The following H2AZ2 variants were observed in gnomAD, a reference collection of about 807,000 sequenced individuals.
H2AZ2 encodes the protein histone H2A.V.
H2AZ2 carries 5 observed loss-of-function variants against 15.5 expected under a neutral mutation model. The ratio of observed to expected loss-of-function variants is 0.32; its 90% CI spans 0.17 to 0.68. The LOEUF (loss-of-function observed/expected upper bound fraction) is 0.68. H2AZ2 is among the 30% of genes least tolerant of loss of function. The probability of loss-of-function intolerance (pLI) is 0.72; values close to 1 mark genes in which losing one functional copy is unlikely to be tolerated. For synonymous variants in H2AZ2, 44 were observed against 57.4 expected, an observed-to-expected ratio of 0.77 and a Z score of 1.05; for missense variants, 42 against 162.5, an observed-to-expected ratio of 0.26 and a Z score of 4.03.
At chr7:44,836,364 T>A (rs145809026) in intron 3 of H2AZ2, among the ~76,000 whole-genome samples, 84 of 152,260 alleles carry the variant, frequency 5.5e-4, no homozygotes, top group African/African-American at 1.9e-3. Context: ...AATGTATTTT[T>A]AAAATTTTTT....
intron 2 of H2AZ2, among the ~76,000 whole-genome samples, chr7:44,842,965 C>T (rs1331604083): frequency 1.3e-5 from 2 of 151,568 alleles, no homozygotes; most frequent in East Asian, 1.9e-4. Flanking sequence ...ATGGTGAAAT[C>T]CCGTCTCTAC....
rs1048090546 is a variant in H2AZ2 at position 44,833,380 on chromosome 7, G to T, written c.*1121C>A. Among the ~76,000 whole-genome samples the T allele has an allele frequency of 1.3e-5, 2 of 151,996 alleles. No individual in the cohort carries two copies. The highest frequency in any genetic ancestry group is 4.8e-5 in the African/African-American group (2 of 41,364). ...CCTGAGTAGCTGGGACTACAGGCGC[G>T]TGCCACCACACCCGGCTAATTTTTT... is the stretch of plus-strand genomic sequence containing the variant. On this transcript the variant is annotated 3_prime_UTR_variant, in exon 5 of 5. Coordinates refer to ENST00000308153, the MANE Select transcript of H2AZ2 (RefSeq NM_012412.5).
downstream of H2AZ2, among the ~76,000 whole-genome samples, chr7:44,831,294 C>T (rs889283301): frequency 1.8e-4 from 27 of 152,104 alleles, no homozygotes; most frequent in Admixed American, 1.7e-3. Context: ...ACAAATGAAA[C>T]GAGACTGATC....
Position 44,833,984 on chromosome 7 carries a change from ATG to A in H2AZ2, c.*515_*516del. On this transcript the variant is annotated 3_prime_UTR_variant, in exon 5 of 5. Coordinates refer to ENST00000308153, the MANE Select transcript of H2AZ2 (RefSeq NM_012412.5). ...ATAATCTAACATCTCTCAAATTGGG[ATG>A]TCTCATAATTGATGGCATATCATGA... 5.2e-6 allele frequency: 1 copy of A among 192,318 alleles called. No homozygotes were observed. The highest frequency in any genetic ancestry group is 9.5e-6 in the Non-Finnish European group (1 of 104,882). The allele number at this position is 192,318 out of a possible 1,614,324, so 11.9% of individuals were successfully genotyped here. A position where few individuals can be genotyped will look rare whatever the true frequency, so the allele number is the denominator to read the frequency against.
At chr7:44,835,462 C>A in intron 4 of H2AZ2, 67 bp downstream of exon 4, 4 of 1,326,270 alleles carry the variant, frequency 3.0e-6, no homozygotes, top group Non-Finnish European at 4.2e-6. Flanking sequence ...TATACTATAT[C>A]ATTGATCTGA....
intron 3 of H2AZ2, among the ~76,000 whole-genome samples, chr7:44,838,450 A>G (rs1793186481): frequency 6.6e-6 from 1 of 152,086 alleles, no homozygotes; most frequent in South Asian, 2.1e-4. Flanking sequence ...CAGGAGTTCG[A>G]GATCAGCCTG....
chr7:44,830,442 C>T (rs921530851), downstream of H2AZ2, among the ~76,000 whole-genome samples: 3 of 152,180 alleles, frequency 2.0e-5, no homozygotes, highest in African/African-American at 7.2e-5. Context: ...CTCTCCAGGC[C>T]ATTTGTTACA....
In H2AZ2 at chr7:44,843,137, C is replaced by CA. The variant is rs55941046; in HGVS notation, c.81+139dup. On this transcript the variant is annotated intron_variant, in intron 2 of 4. Transcript: ENST00000308153. ...CTGACGACAGAGTGAGACTCTGTCT[C>CA]AAAAAAAAAAAAAAAAAAAAAAAAA... The CA allele has an allele frequency of 4.0e-3, 345 of 86,174 alleles. 131 individuals are homozygous for CA. The highest frequency in any genetic ancestry group is 0.022 in the African/African-American group (149 of 6,658). The allele number at this position is 86,174 out of a possible 1,614,324, so 5.3% of individuals were successfully genotyped here.
At chr7:44,839,412 C>T (rs985035539) in intron 3 of H2AZ2, among the ~76,000 whole-genome samples, 1 of 151,962 alleles carries the variant, frequency 6.6e-6, no homozygotes. Context: ...CGCGGTGGCT[C>T]ACGCCTGTAA....
At chr7:44,844,769 TA>T (rs753187174) in intron 1 of H2AZ2, among the ~76,000 whole-genome samples, 1 of 152,090 alleles carries the variant, frequency 6.6e-6, no homozygotes, top group African/African-American at 2.4e-5. Flanking sequence ...CTGTACGCTT[TA>T]AAAAAACCTA....
At chr7:44,836,419 T>C (rs1706812167) in intron 3 of H2AZ2, among the ~76,000 whole-genome samples, 2 of 152,172 alleles carry the variant, frequency 1.3e-5, no homozygotes, top group Non-Finnish European at 2.9e-5. Flanking sequence ...AGGGCTGGTG[T>C]CAAACCCTTG....
Position 44,833,887 on chromosome 7 carries a change from G to T in H2AZ2, c.*614C>A. The stretch of plus-strand genomic sequence containing the variant: ...AGTAGAGCACTCTGCAAAGGGCCTG[G>T]CACATGGTAAGTGCTTGGTGTAGAA... On this transcript the variant is annotated 3_prime_UTR_variant, in exon 5 of 5. Transcript: ENST00000308153. 1 of 191,366 alleles carries T rather than the reference G, an allele frequency of 5.2e-6. No homozygotes were observed. The highest frequency in any genetic ancestry group is 9.6e-6 in the Non-Finnish European group (1 of 103,970). 11.9% of individuals were successfully genotyped at this position (191,366 alleles called of 1,614,324 possible). A position where few individuals can be genotyped will look rare whatever the true frequency, so the allele number is the denominator to read the frequency against.
At chr7:44,843,157 AAAAAAAAAAAAAAAAAAAG>A in intron 2 of H2AZ2, 101 bp downstream of exon 2, 1 of 290,636 alleles carries the variant, frequency 3.4e-6, no homozygotes, top group Non-Finnish European at 6.3e-6. Context: ...AAAAAAAAAA[AAAAAAAAAAAAAAAAAAAG>A]TCTGTAGTAA....
At chr7:44,842,537 T>C (rs920291519) in intron 2 of H2AZ2, among the ~76,000 whole-genome samples, 3 of 152,190 alleles carry the variant, frequency 2.0e-5, no homozygotes, top group Admixed American at 6.5e-5. Context: ...CTCTCAACCT[T>C]ATACTGCTTC....
downstream of H2AZ2, chr7:44,830,185 A>C (rs753170869): frequency 7.4e-6 from 12 of 1,611,748 alleles, no homozygotes; most frequent in Non-Finnish European, 9.3e-6. Flanking sequence ...TAACAGGACA[A>C]ATAGAGAATA....
chr7:44,846,062 C>CACACACACACACAGAGAGAGAG (rs57468916), intron 1 of H2AZ2, among the ~76,000 whole-genome samples: 21 of 75,150 alleles, frequency 2.8e-4, no homozygotes, highest in Admixed American at 2.8e-4. Context: ...CACACACACA[C>CACACACACACACAGAGAGAGAG]AGAGAGAGAC....
chr7:44,840,807 A>G (rs906696663), intron 3 of H2AZ2, 92 bp downstream of exon 3: 6 of 793,358 alleles, frequency 7.6e-6, no homozygotes, highest in African/African-American at 6.9e-5. Context: ...TGAGCATAAT[A>G]TGTCTTTTTT....
At chr7:44,841,515 T>C (rs1029240184) in intron 2 of H2AZ2, among the ~76,000 whole-genome samples, 5 of 152,160 alleles carry the variant, frequency 3.3e-5, no homozygotes, top group Non-Finnish European at 5.9e-5. Flanking sequence ...TGCCCTTTAT[T>C]ATTTTTTTTA....
At position 44,838,337 on chromosome 7, in the gene H2AZ2, T is replaced by A. The variant is rs192071782; in HGVS notation, c.195+2562A>T. Among the ~76,000 whole-genome samples the A allele has an allele frequency of 3.2e-3, 481 of 152,012 alleles. 4 individuals carry two copies. The highest frequency in any genetic ancestry group is 0.01 in the African/African-American group (432 of 41,532). On this transcript the variant is annotated intron_variant, in intron 3 of 4. Coordinates refer to ENST00000308153, the MANE Select transcript of H2AZ2 (RefSeq NM_012412.5). ...ATGTATTTTAATTAAAATTTAAAAA[T>A]TTTTAAAAATAAAAGAGGCCAGGTG... is the stretch of plus-strand genomic sequence containing the variant.
Sources: gnomAD v4.1 joint callset for allele counts (sites outside exome capture counted in the v4.1 genomes callset) on GRCh38, gnomAD v4.1.1 for gene constraint, MANE v1.5 for transcripts, NCBI Gene and HGNC (gene_info 2026-07-23, HGNC 2026-07-21) for gene names.